SORCS3: variants seen among roughly 807,000 people sequenced by gnomAD.
The protein encoded by SORCS3 is VPS10 domain-containing receptor SorCS3.
SORCS3 carries 57 observed loss-of-function variants against 146.3 expected under a neutral mutation model. The observed-to-expected ratio is 0.39, with a 90% CI of 0.31 to 0.49. The LOEUF (loss-of-function observed/expected upper bound fraction) is 0.49. Ranked by LOEUF, SORCS3 falls within the 20% of genes least tolerant of loss-of-function variation. The probability of loss-of-function intolerance (pLI) is 0.92; values close to 1 mark genes in which losing one functional copy is unlikely to be tolerated. For missense variants in SORCS3, 1,341 were observed against 1,575.5 expected (o/e 0.85, Z 2.52); for synonymous variants, 653 against 618.5 (o/e 1.06, Z -0.83).
chr10:104,942,790 TA>T (rs1564718613), intron 3 of SORCS3, among the ~76,000 whole-genome samples: 1 of 152,182 alleles, frequency 6.6e-6, no homozygotes. Context: ...CTTAATGAGA[TA>T]AAGTGTAGTT....
At chr10:104,883,068 T>C (rs1182374949) in intron 2 of SORCS3, among the ~76,000 whole-genome samples, 1 of 152,162 alleles carries the variant, frequency 6.6e-6, no homozygotes, top group East Asian at 1.9e-4. Context: ...AGTAGGAGCT[T>C]CATTTTTTTT....
intron 4 of SORCS3, among the ~76,000 whole-genome samples, chr10:104,993,241 C>T (rs768611303): frequency 2.0e-5 from 3 of 152,154 alleles, no homozygotes; most frequent in East Asian, 1.9e-4. Context: ...AAGAGGGGAG[C>T]GTCTGGTTGG....
At chr10:105,001,962 G>A (rs2055064677) in intron 4 of SORCS3, among the ~76,000 whole-genome samples, 1 of 152,160 alleles carries the variant, frequency 6.6e-6, no homozygotes, top group Non-Finnish European at 1.5e-5. Flanking sequence ...TCATAGCAGA[G>A]CATCTTAATT....
intron 4 of SORCS3, among the ~76,000 whole-genome samples, chr10:105,027,618 G>A (rs750500568): frequency 2.6e-5 from 4 of 152,106 alleles, no homozygotes; most frequent in Non-Finnish European, 5.9e-5. Flanking sequence ...GGCAAAAAAT[G>A]TGAGCCACAT....
intron 1 of SORCS3, among the ~76,000 whole-genome samples, chr10:104,690,534 G>A (rs2016099164): frequency 6.6e-6 from 1 of 152,206 alleles, no homozygotes; most frequent in Non-Finnish European, 1.5e-5. Context: ...ACTTCACCTG[G>A]AGTGCTTCAC....
intron 1 of SORCS3, among the ~76,000 whole-genome samples, chr10:104,653,626 C>T (rs1477844030): frequency 6.6e-6 from 1 of 152,092 alleles, no homozygotes; most frequent in East Asian, 1.9e-4. Context: ...TCACCCAGTG[C>T]TTGGGAGATA....
At chr10:104,934,538 T>A (rs1163110955) in intron 3 of SORCS3, among the ~76,000 whole-genome samples, 1 of 152,202 alleles carries the variant, frequency 6.6e-6, no homozygotes, top group Non-Finnish European at 1.5e-5. Context: ...TTACTGAACC[T>A]TTTGAGTGAG....
intron 7 of SORCS3, among the ~76,000 whole-genome samples, chr10:105,128,177 C>A (rs1351940189): frequency 4.6e-5 from 7 of 152,146 alleles, no homozygotes; most frequent in Admixed American, 4.6e-4. Context: ...GGCCCTCCAA[C>A]AATGTTGCTT....
intron 1 of SORCS3, among the ~76,000 whole-genome samples, chr10:104,650,127 C>T (rs1439598896): frequency 6.6e-6 from 1 of 152,198 alleles, no homozygotes; most frequent in Non-Finnish European, 1.5e-5. Context: ...TGTAGAATAT[C>T]TGCAGCCTGT....
chr10:104,653,664 A>C (rs1057460951), intron 1 of SORCS3, among the ~76,000 whole-genome samples: 2 of 152,186 alleles, frequency 1.3e-5, no homozygotes, highest in African/African-American at 4.8e-5. Context: ...TTTAATTTAA[A>C]AAATTGTTTG....
chr10:105,219,967 C>T (rs1191015986), intron 19 of SORCS3, among the ~76,000 whole-genome samples: 1 of 152,172 alleles, frequency 6.6e-6, no homozygotes, highest in Non-Finnish European at 1.5e-5. Context: ...ATCATGGCTG[C>T]ATTTTCCAGA....
At chr10:104,741,080 G>A (rs994435827) in intron 1 of SORCS3, among the ~76,000 whole-genome samples, 2 of 150,926 alleles carry the variant, frequency 1.3e-5, no homozygotes, top group African/African-American at 2.4e-5. Flanking sequence ...TCCCACATCA[G>A]CCTCCCAAGT....
chr10:104,976,542 C>T (rs1335406492), intron 3 of SORCS3, among the ~76,000 whole-genome samples: 2 of 152,046 alleles, frequency 1.3e-5, no homozygotes, highest in Non-Finnish European at 2.9e-5. Flanking sequence ...ACCATTTGAC[C>T]CAGCCATCCC....
At chr10:105,167,107 A>G in intron 12 of SORCS3, 151 bp from the exon 13 acceptor site, 1 of 592,664 alleles carries the variant, frequency 1.7e-6, no homozygotes, top group South Asian at 2.2e-5. Flanking sequence ...CATCAATCAA[A>G]TGGAGATAAT....
chr10:105,249,825 G>T (rs2056888569), intron 22 of SORCS3, among the ~76,000 whole-genome samples: 1 of 152,054 alleles, frequency 6.6e-6, no homozygotes, highest in Admixed American at 6.6e-5. Flanking sequence ...GGTGGCAGTT[G>T]CAGTGAACTG....
intron 1 of SORCS3, among the ~76,000 whole-genome samples, chr10:104,674,571 G>C (rs995312711): frequency 8.5e-5 from 13 of 152,192 alleles, no homozygotes; most frequent in Non-Finnish European, 2.9e-5. Flanking sequence ...TTGAGATTAC[G>C]GTAGCCTGGC....
chr10:105,018,846 T>C (rs1268071408), intron 4 of SORCS3, among the ~76,000 whole-genome samples: 1 of 152,138 alleles, frequency 6.6e-6, no homozygotes, highest in Non-Finnish European at 1.5e-5. Flanking sequence ...TATTATTGGT[T>C]ACACTTATGA....
At chr10:104,716,864 G>A (rs1215604147) in intron 1 of SORCS3, among the ~76,000 whole-genome samples, 1 of 152,232 alleles carries the variant, frequency 6.6e-6, no homozygotes, top group African/African-American at 2.4e-5. Context: ...CACTTAGTGA[G>A]TTAGATGTCA....
intron 5 of SORCS3, among the ~76,000 whole-genome samples, chr10:105,078,052 A>T (rs2055600181): frequency 6.6e-6 from 1 of 152,230 alleles, no homozygotes; most frequent in South Asian, 2.1e-4. Flanking sequence ...TTGTCAAGCA[A>T]ATCACAGATG....
Sources: allele counts gnomAD v4.1 joint callset (sites outside exome capture counted in the v4.1 genomes callset), GRCh38; gene constraint gnomAD v4.1.1; transcripts MANE v1.5; gene names NCBI Gene and HGNC (gene_info 2026-07-23, HGNC 2026-07-21).